Variants in EVC observed in about 807,000 individuals in gnomAD.
The protein encoded by EVC is evC complex member EVC.
Under a neutral mutation model 118.9 loss-of-function variants are expected in EVC, and 116 were observed. That is an observed-to-expected ratio of 0.98 (90% CI 0.84 to 1.14). The LOEUF (loss-of-function observed/expected upper bound fraction) is 1.14, where lower values mean the gene tolerates loss of function less well. Ranked by LOEUF, EVC falls within the 50% of genes most tolerant of loss-of-function variation. The pLI, the probability that EVC is intolerant of heterozygous loss-of-function variation, is 0.00. For synonymous variants in EVC, 619 were observed against 534.7 expected (o/e 1.16, Z -2.18); for missense variants, 1,401 against 1,246.4 (o/e 1.12, Z -1.87).
intron 20 of EVC, 27 bp from the exon 21 acceptor site, chr4:5,810,926 C>T: frequency 6.2e-7 from 1 of 1,600,802 alleles, no homozygotes; most frequent in Non-Finnish European, 8.5e-7. Context: ...AGCGTTCTAA[C>T]TGGCTGCCTT....
chr4:5,758,058 C>T (rs1305113458), intron 11 of EVC: 1 of 702,314 alleles, frequency 1.4e-6, no homozygotes, highest in Non-Finnish European at 2.6e-6. Context: ...GGCCCTAATT[C>T]TAATGGCTGG....
intron 11 of EVC, among the ~76,000 whole-genome samples, chr4:5,761,795 TC>T (rs2152121111): frequency 6.6e-6 from 1 of 151,948 alleles, no homozygotes; most frequent in African/African-American, 2.4e-5. Flanking sequence ...TGAGTTGTGT[TC>T]CACCTCTCAT....
the EVC span, among the ~76,000 whole-genome samples, chr4:5,823,023 G>A: frequency 4.6e-5 from 7 of 151,998 alleles, no homozygotes; most frequent in African/African-American, 1.5e-4. Context: ...TTTCTTTACC[G>A]ACAACTGTCT....
intron 15 of EVC, among the ~76,000 whole-genome samples, chr4:5,801,406 T>A (rs1056222482): frequency 1.3e-5 from 2 of 152,086 alleles, no homozygotes; most frequent in African/African-American, 4.8e-5. Context: ...CGGCCGGGCG[T>A]GGTGGCTCAT....
chr4:5,726,054 C>G (rs911562138), intron 2 of EVC, among the ~76,000 whole-genome samples: 1 of 152,190 alleles, frequency 6.6e-6, no homozygotes, highest in Admixed American at 6.5e-5. Context: ...GTATCTAGGC[C>G]ACAGTGCTGG....
intron 1 of EVC, among the ~76,000 whole-genome samples, chr4:5,718,658 A>G (rs975221868): frequency 1.9e-4 from 29 of 152,208 alleles, no homozygotes; most frequent in Admixed American, 6.5e-5. Context: ...CTCTGCATGT[A>G]TTTGTGAATA....
At chr4:5,820,589 C>T in the EVC span, among the ~76,000 whole-genome samples, 2 of 152,168 alleles carry the variant, frequency 1.3e-5, no homozygotes, top group Non-Finnish European at 2.9e-5. Context: ...CCTCTCTTCG[C>T]CTCCTTGGGT....
Position 5,798,777 on chromosome 4 carries a change from CAG to C in EVC, c.2290_2291del (p.Arg764GlyfsTer2). The part of the protein sequence containing the change: ...NAATKSRAKD[R>X]DDFKRTLMEA... ...CAGCCACCAAGAGCCGGGCCAAGGA[CAG>C]GGATGACTTCAAGGTATGCACTGAC... On this transcript the variant is annotated frameshift_variant, in exon 15 of 21. Transcript: ENST00000264956. LOFTEE classifies it high-confidence loss of function. This position sits in a 1 kb window ranked among gnomAD's most constrained non-coding sequence, Gnocchi z 4.1. 1 of 1,610,962 alleles carries C rather than the reference CAG, an allele frequency of 6.2e-7. No homozygotes were observed. The highest frequency in any genetic ancestry group is 8.5e-7 in the Non-Finnish European group (1 of 1,179,930).
At chr4:5,734,023 A>G (rs1419145761) in intron 5 of EVC, among the ~76,000 whole-genome samples, 1 of 152,148 alleles carries the variant, frequency 6.6e-6, no homozygotes, top group Non-Finnish European at 1.5e-5. Flanking sequence ...AGAACTCAGA[A>G]CTGTGGATGT....
chr4:5,727,877 A>G (rs1025817634), intron 2 of EVC, among the ~76,000 whole-genome samples: 1 of 145,064 alleles, frequency 6.9e-6, no homozygotes, highest in African/African-American at 2.6e-5. Context: ...AAGATCAGAT[A>G]GTTGTAGATA....
At chr4:5,801,348 T>A (rs1219798232) in intron 15 of EVC, among the ~76,000 whole-genome samples, 1 of 152,114 alleles carries the variant, frequency 6.6e-6, no homozygotes, top group African/African-American at 2.4e-5. Context: ...GGAACAGCAG[T>A]CTTTCACCTG....
Position 5,738,766 on chromosome 4 carries a change from C to T in EVC, c.703-2950C>T, listed in dbSNP as rs1049499483. Among the ~76,000 whole-genome samples, 1 of 152,080 alleles carries T rather than the reference C, an allele frequency of 6.6e-6. No individual in the cohort carries two copies. Among genetic ancestry groups the T allele is most frequent in the African/African-American group, 2.4e-5 (1 of 41,398 alleles). On this transcript the variant is annotated intron_variant, in intron 5 of 20. Coordinates refer to ENST00000264956, the MANE Select transcript of EVC (RefSeq NM_153717.3). This position sits in a 1 kb window ranked among gnomAD's most constrained non-coding sequence, Gnocchi z 6.5. ...ATTTTTAGTAGAGACGGGGTTTCAC[C>T]ATGTTGGCCAGGATGGGTCTCAATC...
chr4:5,747,931 C>T (rs1729615990), intron 7 of EVC, among the ~76,000 whole-genome samples: 1 of 152,174 alleles, frequency 6.6e-6, no homozygotes, highest in Non-Finnish European at 1.5e-5. Context: ...GCTGAAACAC[C>T]ATTGCAAAAC....
At chr4:5,772,401 G>T (rs1225728718) in intron 11 of EVC, among the ~76,000 whole-genome samples, 1 of 152,030 alleles carries the variant, frequency 6.6e-6, no homozygotes, top group Non-Finnish European at 1.5e-5. Context: ...CATTTCAGCT[G>T]CATACCTGCT....
At chr4:5,721,638 C>T (rs777365189) in intron 2 of EVC, among the ~76,000 whole-genome samples, 1 of 152,080 alleles carries the variant, frequency 6.6e-6, no homozygotes, top group Non-Finnish European at 1.5e-5. Flanking sequence ...GAGGCTGAGG[C>T]GGGCAGACAC....
Position 5,737,084 on chromosome 4 carries a change from A to C in EVC, c.702+3649A>C, listed in dbSNP as rs1308819862. Among the ~76,000 whole-genome samples the C allele has an allele frequency of 2.0e-5, 3 of 152,254 alleles. No homozygotes were observed. The highest frequency in any genetic ancestry group is 2.9e-5 in the Non-Finnish European group (2 of 68,044). ...TACGCCAGTGAACACACGAATGATCAGAAAGCAAAACAACCTTATTGCTGA... is the reference window on the plus strand; with the variant it reads ...TACGCCAGTGAACACACGAATGATCCGAAAGCAAAACAACCTTATTGCTGA... On this transcript the variant is annotated intron_variant, in intron 5 of 20. Transcript: ENST00000264956. The surrounding 1 kb of genome is among the most constrained non-coding windows in gnomAD (Gnocchi z 5.0).
intron 8 of EVC, among the ~76,000 whole-genome samples, chr4:5,750,895 A>G (rs1427292128): frequency 1.3e-5 from 2 of 152,218 alleles, no homozygotes; most frequent in African/African-American, 2.4e-5. Context: ...TGGCTTCCGT[A>G]TCTCAGAACA....
chr4:5,775,965 T>C (rs1402357756), intron 11 of EVC, among the ~76,000 whole-genome samples: 1 of 152,154 alleles, frequency 6.6e-6, no homozygotes, highest in Admixed American at 6.5e-5. Flanking sequence ...TTTAATTTAG[T>C]TTTTCTTAAT....
At chr4:5,727,612 A>G (rs1043743886) in intron 2 of EVC, among the ~76,000 whole-genome samples, 2 of 151,590 alleles carry the variant, frequency 1.3e-5, no homozygotes, top group Non-Finnish European at 3.0e-5. Context: ...TTTTGTTGCC[A>G]TTGCTTTTGG....
Sources: gnomAD v4.1 joint callset for allele counts (sites outside exome capture counted in the v4.1 genomes callset) on GRCh38, gnomAD v4.1.1 for gene constraint, Gnocchi (gnomAD v3.1) non-coding constraint, MANE v1.5 for transcripts, NCBI Gene and HGNC (gene_info 2026-07-23, HGNC 2026-07-21) for gene names.